Variants in OSBPL8 observed in about 807,000 individuals in gnomAD.
OSBPL8 encodes oxysterol-binding protein-related protein 8.
In OSBPL8, 59 loss-of-function variants were observed where a neutral mutation model predicts 125.5. That is an observed-to-expected ratio of 0.47 (90% CI 0.38 to 0.58). OSBPL8 has a LOEUF of 0.58. Ranked by LOEUF, OSBPL8 falls within the 20% of genes least tolerant of loss-of-function variation. The probability of loss-of-function intolerance (pLI) is 0.00; values close to 1 mark genes in which losing one functional copy is unlikely to be tolerated. For synonymous variants in OSBPL8, 330 were observed against 338.9 expected (o/e 0.97, Z 0.29); for missense variants, 758 against 1,047.8 (o/e 0.72, Z 3.82).
intron 2 of OSBPL8, among the ~76,000 whole-genome samples, chr12:76,475,251 T>A (rs1876662429): frequency 6.9e-6 from 1 of 145,648 alleles, no homozygotes; most frequent in East Asian, 1.9e-4. Context: ...TGGCATGTCT[T>A]AAAACTTGGG....
rs149785142 is a variant in OSBPL8, at chr12:76,491,841, T to C, written c.-67-4223A>G. The stretch of plus-strand genomic sequence containing the variant: ...TGTATTTGAATACTGCATTATTATA[T>C]TCTAAAAATTTGCAATATTAACAAC... On this transcript the variant is annotated intron_variant, in intron 1 of 23. Transcript: ENST00000261183. 1.2e-3 allele frequency among the ~76,000 whole-genome samples: 189 copies of C among 152,300 alleles called. 5 individuals carry two copies. The East Asian group carries it at 0.029, about 23-fold the overall frequency.
At chr12:76,375,878 A>G (rs576321296) in intron 16 of OSBPL8, among the ~76,000 whole-genome samples, 3 of 152,314 alleles carry the variant, frequency 2.0e-5, no homozygotes, top group Admixed American at 2.0e-4. Context: ...TCCTAAGTGC[A>G]AGAAAGCTAT....
At chr12:76,540,662 A>G (rs1565983090) in intron 1 of OSBPL8, among the ~76,000 whole-genome samples, 1 of 151,840 alleles carries the variant, frequency 6.6e-6, no homozygotes, top group Non-Finnish European at 1.5e-5. Context: ...ACACATTGAT[A>G]TAATAATCAT....
intron 4 of OSBPL8, among the ~76,000 whole-genome samples, chr12:76,438,484 T>G (rs185347296): frequency 6.6e-6 from 1 of 152,188 alleles, no homozygotes; most frequent in East Asian, 1.9e-4. Flanking sequence ...CTTAATAATT[T>G]TAATGATTTC....
chr12:76,391,929 G>T (rs570260618), intron 10 of OSBPL8, among the ~76,000 whole-genome samples: 2 of 152,296 alleles, frequency 1.3e-5, no homozygotes, highest in Admixed American at 1.3e-4. Context: ...GAAGCCAAGG[G>T]GTGGGGACAG....
At chr12:76,457,214 A>G (rs1013399038) in intron 3 of OSBPL8, among the ~76,000 whole-genome samples, 1 of 152,216 alleles carries the variant, frequency 6.6e-6, no homozygotes, top group Non-Finnish European at 1.5e-5. Context: ...AAGTGGTTAG[A>G]AAATTATTAC....
intron 4 of OSBPL8, among the ~76,000 whole-genome samples, chr12:76,445,942 C>A (rs895905160): frequency 1.3e-5 from 2 of 152,054 alleles, no homozygotes; most frequent in African/African-American, 4.8e-5. Flanking sequence ...TTTGAACCTC[C>A]AAAAATATGA....
chr12:76,364,794 G>C (rs924078293), intron 21 of OSBPL8, among the ~76,000 whole-genome samples: 1 of 152,064 alleles, frequency 6.6e-6, no homozygotes, highest in African/African-American at 2.4e-5. Flanking sequence ...TTTTGAAATC[G>C]AAAAGTGAGA....
intron 4 of OSBPL8, among the ~76,000 whole-genome samples, chr12:76,427,417 TAAC>T (rs2136543337): frequency 6.6e-6 from 1 of 152,118 alleles, no homozygotes; most frequent in South Asian, 2.1e-4. Context: ...AATAAAATAA[TAAC>T]ATTACATTTC....
intron 2 of OSBPL8, among the ~76,000 whole-genome samples, chr12:76,475,484 T>C (rs997387975): frequency 6.6e-6 from 1 of 152,232 alleles, no homozygotes; most frequent in African/African-American, 2.4e-5. Flanking sequence ...GGTCCCTTAA[T>C]AGTTCTATTT....
chr12:76,480,981 T>C (rs1448816490), intron 2 of OSBPL8, among the ~76,000 whole-genome samples: 4 of 152,056 alleles, frequency 2.6e-5, no homozygotes, highest in South Asian at 2.1e-4. Context: ...AGTATCCTTA[T>C]AAGAGGAAGC....
chr12:76,449,542 G>C (rs1873125799), intron 4 of OSBPL8, among the ~76,000 whole-genome samples: 1 of 152,210 alleles, frequency 6.6e-6, no homozygotes, highest in Non-Finnish European at 1.5e-5. Context: ...CCAAACTGGA[G>C]TAGTAGGCAC....
chr12:76,472,710 G>A (rs932426885), intron 2 of OSBPL8, among the ~76,000 whole-genome samples: 1 of 152,194 alleles, frequency 6.6e-6, no homozygotes, highest in African/African-American at 2.4e-5. Context: ...CATTATTTCT[G>A]TATATCAGAG....
At chr12:76,410,316 T>C (rs1248147517) in intron 5 of OSBPL8, among the ~76,000 whole-genome samples, 1 of 152,148 alleles carries the variant, frequency 6.6e-6, no homozygotes, top group Non-Finnish European at 1.5e-5. Context: ...GAAGTGCTGC[T>C]ATAGCAGAGA....
rs372527867 is a variant in OSBPL8 at position 76,390,457 on chromosome 12, G to A, written c.1130C>T (p.Thr377Ile). The A allele has an allele frequency of 8.7e-6, 14 of 1,613,652 alleles. No individual in the cohort carries two copies. In the African/African-American group the frequency reaches 1.9e-4, roughly 22 times the overall value. The part of the protein sequence containing the change: ...EPEPVEPLKE[T>I]TYTEQSHEEL... ...TTCATGGCTCTGTTCAGTGTAGGTAGTCTCCTTTAAAGGCTCAACAGGCTC... is the reference window on the plus strand; with the variant it reads ...TTCATGGCTCTGTTCAGTGTAGGTAATCTCCTTTAAAGGCTCAACAGGCTC... Residue 377 changes from threonine (T) to isoleucine (I), a missense_variant, in exon 11 of 24, where the codon ACT becomes ATT. Transcript: ENST00000261183.
chr12:76,457,292 A>C (rs1280833523), intron 3 of OSBPL8, among the ~76,000 whole-genome samples: 1 of 152,200 alleles, frequency 6.6e-6, no homozygotes, highest in Non-Finnish European at 1.5e-5. Context: ...ATGTTTGTTT[A>C]CATTTTTCTC....
intron 4 of OSBPL8, chr12:76,422,613 T>A (rs573653051): frequency 6.6e-6 from 3 of 456,536 alleles, no homozygotes; most frequent in Admixed American, 4.7e-5. Flanking sequence ...AAAACCCCAG[T>A]ACAGGAAGAA....
intron 1 of OSBPL8, among the ~76,000 whole-genome samples, chr12:76,509,536 C>T (rs1012622934): frequency 2.0e-5 from 3 of 152,130 alleles, no homozygotes; most frequent in African/African-American, 7.2e-5. Context: ...AAATGGCTTT[C>T]GTCAAAATTA....
intron 2 of OSBPL8, among the ~76,000 whole-genome samples, chr12:76,465,587 A>G (rs1481904824): frequency 6.6e-6 from 1 of 152,134 alleles, no homozygotes; most frequent in African/African-American, 2.4e-5. Context: ...TAAAATAAAA[A>G]TAAAAAGATG....
Sources: allele counts gnomAD v4.1 joint callset (sites outside exome capture counted in the v4.1 genomes callset), GRCh38; gene constraint gnomAD v4.1.1; transcripts MANE v1.5; gene names NCBI Gene and HGNC (gene_info 2026-07-23, HGNC 2026-07-21).